The following WNT2B variants were observed in gnomAD, a reference collection of about 807,000 sequenced individuals.
WNT2B encodes the protein Wnt family member 2B.
In WNT2B, 19 loss-of-function variants were observed where a neutral mutation model predicts 40.5. The observed-to-expected ratio is 0.47, with a 90% CI of 0.33 to 0.69. WNT2B has a LOEUF of 0.69. Ranked by LOEUF, WNT2B falls within the 30% of genes least tolerant of loss-of-function variation. The pLI, the probability that WNT2B is intolerant of heterozygous loss-of-function variation, is 0.02. For synonymous variants in WNT2B, 220 were observed against 211.9 expected (o/e 1.04, Z -0.33); for missense variants, 467 against 556.4 (o/e 0.84, Z 1.62).
upstream of WNT2B, among the ~76,000 whole-genome samples, chr1:112,508,585 C>T (rs1652203111): frequency 6.6e-6 from 1 of 152,178 alleles, no homozygotes; most frequent in South Asian, 2.1e-4. This position sits in a 1 kb window ranked among gnomAD's most constrained non-coding sequence, Gnocchi z 4.2. Flanking sequence ...CCTCCGTGCT[C>T]AGCGCCGGTG....
rs2101135926 is a variant in WNT2B, at chr1:112,526,751, AAAAG to A, written c.*6245_*6248del. 6.6e-6 allele frequency: 1 copy of A among 152,248 alleles called. No individual in the cohort carries two copies. The highest frequency in any genetic ancestry group is 1.9e-4 in the East Asian group (1 of 5,176). The allele number at this position is 152,248 out of a possible 1,614,324, so 9.4% of individuals were successfully genotyped here. On this transcript the variant is annotated 3_prime_UTR_variant, in exon 5 of 5. Coordinates refer to ENST00000369684, the MANE Select transcript of WNT2B (RefSeq NM_024494.3). ...CGAGACTCCGTCACAAAAAAAAAAA[AAAAG>A]AAGGTATGTATTAGAATTTTCTTTG...
rs1288280963 is a variant in WNT2B, at chr1:112,522,204, C to G, written c.*1695C>G. The G allele has an allele frequency of 6.6e-6, 1 of 152,002 alleles. No individual in the cohort carries two copies. Among genetic ancestry groups the G allele is most frequent in the Admixed American group, 6.6e-5 (1 of 15,246 alleles). The allele number at this position is 152,002 out of a possible 1,614,324, so 9.4% of individuals were successfully genotyped here. Reference sequence around the variant, plus strand: ...TGCCATCATGCCCAGCTAATTTAAACATAGTTTTCAGAGATGGAGCTCACT... The same window carrying G: ...TGCCATCATGCCCAGCTAATTTAAAGATAGTTTTCAGAGATGGAGCTCACT... On this transcript the variant is annotated 3_prime_UTR_variant, in exon 5 of 5. Transcript: ENST00000369684.
intron 4 of WNT2B, 44 bp downstream of exon 4, chr1:112,517,429 G>T: frequency 6.4e-7 from 1 of 1,565,746 alleles, no homozygotes; most frequent in South Asian, 1.2e-5. Context: ...CCAGTTCTTA[G>T]TGCAGGCACC....
intron 1 of WNT2B, among the ~76,000 whole-genome samples, chr1:112,470,471 C>A (rs1217499437): frequency 6.6e-6 from 1 of 152,060 alleles, no homozygotes; most frequent in East Asian, 1.9e-4. Context: ...CACCTGTAGT[C>A]CCAGCTACTT....
rs114617371 is a variant in WNT2B, at chr1:112,517,015, G to T, written c.682-106G>T. 3.2e-3 allele frequency: 4,673 copies of T among 1,472,430 alleles called. 12 individuals are homozygous for T. Among genetic ancestry groups the T allele is most frequent in the Non-Finnish European group, 3.8e-3 (4,186 of 1,088,294 alleles). 91.2% of individuals were successfully genotyped at this position (1,472,430 alleles called of 1,614,324 possible). On this transcript the variant is annotated intron_variant, in intron 3 of 4. Transcript: ENST00000369684. ...ACCGAGAGCTCAATCGGCCAGCCAG[G>T]GCCAGGTCCAGCCTATCTCAGAGCA...
At chr1:112,492,988 G>GA (rs1651646580) in intron 1 of WNT2B, among the ~76,000 whole-genome samples, 2 of 152,190 alleles carry the variant, frequency 1.3e-5, no homozygotes, top group East Asian at 1.9e-4. Context: ...TGGCTATCAA[G>GA]AAAAAACTAC....
chr1:112,496,268 G>A (rs1651765852), intron 1 of WNT2B, among the ~76,000 whole-genome samples: 1 of 152,152 alleles, frequency 6.6e-6, no homozygotes, highest in Admixed American at 6.5e-5. Context: ...GCATTTGCCA[G>A]CACTCCTGGC....
chr1:112,507,768 G>T (rs576195534), upstream of WNT2B, among the ~76,000 whole-genome samples: 1 of 152,324 alleles, frequency 6.6e-6, no homozygotes, highest in East Asian at 1.9e-4. Flanking sequence ...CATATGAGGA[G>T]GCAGGAAAGA....
Position 112,468,445 on chromosome 1 carries a change from C to T in WNT2B, c.-95+854C>T, listed in dbSNP as rs148405990. Among the ~76,000 whole-genome samples, 731 of 152,150 alleles carry T rather than the reference C, an allele frequency of 4.8e-3. 4 individuals carry two copies. Among genetic ancestry groups the T allele is most frequent in the African/African-American group, 0.017 (693 of 41,510 alleles). On this transcript the variant is annotated intron_variant, in intron 1 of 4. Transcript: ENST00000256640. ...GTGTATAAGAGTTCCCTGTTCTCTG[C>T]GCCCTCATCAGCCTCTGTTATTTTT...
chr1:112,516,747 A>T (rs987037943), intron 3 of WNT2B, among the ~76,000 whole-genome samples: 2 of 152,228 alleles, frequency 1.3e-5, no homozygotes, highest in Admixed American at 1.3e-4. Flanking sequence ...AACATCTTCT[A>T]TGTGCCTAGT....
upstream of WNT2B, among the ~76,000 whole-genome samples, chr1:112,506,041 T>G (rs1445185433): frequency 2.0e-5 from 3 of 152,196 alleles, no homozygotes; most frequent in Non-Finnish European, 2.9e-5. Context: ...AGGGTCTCAC[T>G]CTGTTGCCCA....
chr1:112,510,453 G>A (rs1466022975), intron 1 of WNT2B, among the ~76,000 whole-genome samples: 2 of 151,962 alleles, frequency 1.3e-5, no homozygotes, highest in Non-Finnish European at 2.9e-5. Context: ...ACCAGGCAGT[G>A]CCTCCCGTCC....
chr1:112,474,713 T>C (rs140928183), intron 1 of WNT2B, among the ~76,000 whole-genome samples: 22 of 152,302 alleles, frequency 1.4e-4, no homozygotes, highest in African/African-American at 5.3e-4. Flanking sequence ...TCAATCTGTA[T>C]CCCCACCCAA....
chr1:112,492,284 T>A (rs1473251786), intron 1 of WNT2B, among the ~76,000 whole-genome samples: 3 of 152,192 alleles, frequency 2.0e-5, no homozygotes, highest in African/African-American at 4.8e-5. Context: ...ACCAGAGTCA[T>A]GAGGCCACAG....
At chr1:112,498,069 TC>T (rs1007840767) in intron 1 of WNT2B, among the ~76,000 whole-genome samples, 9 of 151,754 alleles carry the variant, frequency 5.9e-5, no homozygotes, top group African/African-American at 2.2e-4. Context: ...ACGATCTCTG[TC>T]CCCTTTCCCC....
At chr1:112,504,458 T>TG (rs778503813), upstream of WNT2B, among the ~76,000 whole-genome samples, 32 of 152,162 alleles carry the variant, frequency 2.1e-4, no homozygotes, top group Non-Finnish European at 3.7e-4. Flanking sequence ...CCTTTTGGTC[T>TG]GGCCTCTTTG....
At position 112,514,995 on chromosome 1, in the gene WNT2B, G is replaced by C. The variant is rs1425005046; in HGVS notation, c.304G>C (p.Glu102Gln). 6.2e-7 allele frequency: 1 copy of C among 1,614,208 alleles called. No individual in the cohort carries two copies. The highest frequency in any genetic ancestry group is 1.1e-5 in the South Asian group (1 of 91,078). The part of the protein sequence containing the change: ...IMRSVGEGAR[E>Q]WIRECQHQFR... Reference sequence around the variant, plus strand: ...GCGTTCAGTGGGCGAGGGTGCCCGAGAATGGATCCGAGAGTGTCAGCACCA... The same window carrying C: ...GCGTTCAGTGGGCGAGGGTGCCCGACAATGGATCCGAGAGTGTCAGCACCA... Residue 102 changes from glutamate to glutamine, a missense_variant, in exon 2 of 5, where the codon GAA becomes CAA. Around this residue, in one of 2 missense-constraint regions of WNT2B, gnomAD observed 330 missense variants for 438.6 expected, o/e 0.75. Transcript: ENST00000369684.
At chr1:112,517,018 C>A in intron 3 of WNT2B, 103 bp from the exon 4 acceptor site, 1 of 1,480,978 alleles carries the variant, frequency 6.8e-7, no homozygotes, top group Non-Finnish European at 9.1e-7. Flanking sequence ...CAGCCAGGGC[C>A]AGGTCCAGCC....
chr1:112,467,957 C>T (rs1275863989), intron 1 of WNT2B, among the ~76,000 whole-genome samples: 1 of 152,160 alleles, frequency 6.6e-6, no homozygotes, highest in Non-Finnish European at 1.5e-5. Context: ...CTTCATTCCC[C>T]TCCCACCAAC....
Sources: allele counts gnomAD v4.1 joint callset (sites outside exome capture counted in the v4.1 genomes callset), GRCh38; gene constraint gnomAD v4.1.1; regional missense constraint gnomAD v4.1.1; non-coding constraint Gnocchi (gnomAD v3.1); transcripts MANE v1.5; gene names NCBI Gene and HGNC (gene_info 2026-07-23, HGNC 2026-07-21).